The following KIF1A variants were observed in gnomAD, a reference collection of about 807,000 sequenced individuals.
The protein encoded by KIF1A is kinesin-like protein KIF1A.
KIF1A carries 46 observed loss-of-function variants against 227.3 expected under a neutral mutation model. That is an observed-to-expected ratio of 0.20 (90% CI 0.16 to 0.26). The LOEUF (loss-of-function observed/expected upper bound fraction) is 0.26, where lower values mean the gene tolerates loss of function less well. KIF1A is among the 10% of genes least tolerant of loss of function. KIF1A has a pLI of 1.00. For missense variants in KIF1A, 1,683 were observed against 2,485.9 expected (o/e 0.68, Z 6.87); for synonymous variants, 1,022 against 1,012.8 (o/e 1.01, Z -0.17).
At position 240,725,394 on chromosome 2, in the gene KIF1A, C is replaced by T. The variant is rs759928750; in HGVS notation, c.4133G>A (p.Cys1378Tyr). The T allele has an allele frequency of 1.9e-6, 3 of 1,612,352 alleles. No homozygotes were observed. The highest frequency in any genetic ancestry group is 2.5e-6 in the Non-Finnish European group (3 of 1,179,718). ...TLSAYIEMEN[C>Y]TQPAVVTKDF... ...CTTGGTGACAACAGCCGGCTGGGTG[C>T]AGTTCTCCATCTGAGATAGGCGGGA... The change falls in exon 40 of 49, where the codon TGC becomes TAC. Residue 1378 changes from cysteine (C) to tyrosine (Y), a missense_variant. Physicochemically the swap from Cys to Tyr is radical, Grantham distance 194. Around this residue, in one of 12 missense-constraint regions of KIF1A, gnomAD observed 759 missense variants for 1,020.2 expected, o/e 0.74. Transcript: ENST00000498729. This position sits in a 1 kb window ranked among gnomAD's most constrained non-coding sequence, Gnocchi z 5.8.
At chr2:240,803,690 G>A (rs1020765873) in intron 1 of KIF1A, among the ~76,000 whole-genome samples, 12 of 152,088 alleles carry the variant, frequency 7.9e-5, no homozygotes, top group Non-Finnish European at 1.2e-4. Flanking sequence ...AAACAGGCAC[G>A]AATTAGCAGA....
intron 16 of KIF1A, 24 bp from the exon 17 acceptor site, chr2:240,769,232 G>A (rs1159995197): frequency 6.3e-7 from 1 of 1,592,242 alleles, no homozygotes; most frequent in Non-Finnish European, 8.6e-7. Flanking sequence ...GCTGAGGTCA[G>A]CACAAGCTCC....
At position 240,719,778 on chromosome 2, in the gene KIF1A, C is replaced by T. The variant is rs774256831; in HGVS notation, c.5017G>A (p.Val1673Ile). 1.3e-5 allele frequency: 21 copies of T among 1,581,334 alleles called. No individual in the cohort carries two copies. Among genetic ancestry groups the T allele is most frequent in the Admixed American group, 1.7e-5 (1 of 57,234 alleles). Reference sequence around the variant, plus strand: ...TTCCAGGGAGGCCCCACACACCTGACTCGGATCTCCTGGATGTCAGGGACC... The same window carrying T: ...TTCCAGGGAGGCCCCACACACCTGATTCGGATCTCCTGGATGTCAGGGACC... The part of the protein sequence containing the change: ...LLVPDIQEIR[V>I]SPIVSKKGYL... The change falls in exon 46 of 49, where the codon GTC becomes ATC. Residue 1673 changes from valine to isoleucine, a missense_variant. Coordinates refer to ENST00000498729, the MANE Select transcript of KIF1A (RefSeq NM_001244008.2).
intron 10 of KIF1A, among the ~76,000 whole-genome samples, chr2:240,781,627 C>A (rs2054028628): frequency 6.6e-6 from 1 of 152,142 alleles, no homozygotes; most frequent in Non-Finnish European, 1.5e-5. Flanking sequence ...CGGTTATCAC[C>A]GCTCCTCACA....
chr2:240,800,105 GAC>G (rs3220094), intron 1 of KIF1A, among the ~76,000 whole-genome samples: 17,732 of 142,668 alleles, frequency 0.12, 1,177 homozygotes, highest in East Asian at 0.18. Context: ...GTCCAAAGCA[GAC>G]ACACACACAC....
intron 12 of KIF1A, 86 bp from the exon 13 acceptor site, chr2:240,773,342 C>T (rs2125969932): frequency 7.8e-6 from 12 of 1,543,280 alleles, no homozygotes; most frequent in African/African-American, 1.4e-5. Flanking sequence ...CTGCCCAAGA[C>T]CCAGCCTTTT....
In KIF1A at chr2:240,767,304, A is replaced by T. The variant is rs1575595912; in HGVS notation, c.1539T>A (p.Ser513=). Residue 513 remains serine (S), a synonymous_variant, in exon 18 of 49, where the codon TCT becomes TCA. Coordinates refer to ENST00000498729, the MANE Select transcript of KIF1A (RefSeq NM_001244008.2). The part of the protein sequence containing the change: ...LVNLNEDPLM[S]ECLLYYIKDG... ...CCTTGATGTAGTAGAGCAGGCACTCAGACATCAGCGGGTCCTCGTTCAGGT... is the reference window on the plus strand; with the variant it reads ...CCTTGATGTAGTAGAGCAGGCACTCTGACATCAGCGGGTCCTCGTTCAGGT... 6.2e-7 allele frequency: 1 copy of T among 1,613,764 alleles called. No individual in the cohort carries two copies. The highest frequency in any genetic ancestry group is 1.3e-5 in the African/African-American group (1 of 75,048).
rs565272286 is a variant in KIF1A, at chr2:240,715,340, G to C, written c.*2024C>G. On this transcript the variant is annotated 3_prime_UTR_variant, in exon 49 of 49. Transcript: ENST00000498729. ...ACCTGGGAGATTTCCAAAGAAAGCT[G>C]CTGTGTCCTGTGTCCTGCCTTCCCA... 2 of 152,438 alleles carry C rather than the reference G, an allele frequency of 1.3e-5. No homozygotes were observed. Among genetic ancestry groups the C allele is most frequent in the Admixed American group, 1.3e-4 (2 of 15,292 alleles). 9.4% of individuals were successfully genotyped at this position (152,438 alleles called of 1,614,324 possible).
At chr2:240,748,303 G>A (rs2048835403) in intron 28 of KIF1A, among the ~76,000 whole-genome samples, 1 of 152,180 alleles carries the variant, frequency 6.6e-6, no homozygotes, top group African/African-American at 2.4e-5. Context: ...CAGGACAAAG[G>A]TAGAGCTTTG....
At position 240,767,052 on chromosome 2, in the gene KIF1A, G is replaced by T. The variant is rs775735953; in HGVS notation, c.1578-31C>A. 3 of 1,539,700 alleles carry T rather than the reference G, an allele frequency of 1.9e-6. No homozygotes were observed. In the South Asian group the frequency reaches 3.5e-5, roughly 18 times the overall value. On this transcript the variant is annotated intron_variant, in intron 18 of 48. Coordinates refer to ENST00000498729, the MANE Select transcript of KIF1A (RefSeq NM_001244008.2). The stretch of plus-strand genomic sequence containing the variant: ...GGGTGGGGGCACCATCAGCACGGCA[G>T]CTGGGACCCAATACACCCAGGACGC...
chr2:240,772,600 T>A lies in KIF1A; in HGVS notation c.1181-4A>T. 1 of 1,535,618 alleles carries A rather than the reference T, an allele frequency of 6.5e-7. No individual in the cohort carries two copies. Among genetic ancestry groups the A allele is most frequent in the Non-Finnish European group, 8.8e-7 (1 of 1,134,980 alleles). The stretch of plus-strand genomic sequence containing the variant: ...GGTCCTCCAGGCACAGTGTTGGCTA[T>A]GGGGGAGGGAAGCGTGGGGGAGGGG... On this transcript the variant is annotated splice_polypyrimidine_tract_variant and splice_region_variant and intron_variant, in intron 13 of 48. Transcript: ENST00000498729.
At chr2:240,720,040 C>T (rs1408798196) in intron 45 of KIF1A, 114 bp from the exon 46 acceptor site, 2 of 1,048,236 alleles carry the variant, frequency 1.9e-6, no homozygotes, top group East Asian at 3.0e-5. Flanking sequence ...GGCACCTTCG[C>T]AGGGTCTCTC....
Position 240,737,157 on chromosome 2 carries a change from T to C in KIF1A, c.3913A>G (p.Asn1305Asp). ...VRELVVGRIR[N>D]TPETDESLID... The stretch of plus-strand genomic sequence containing the variant: ...AGGGACTCGTCGGTCTCTGGAGTGT[T>C]TCGGATGCGGCCTGCAGAAAAGGCA... The change falls in exon 38 of 49, where the codon AAC becomes GAC. Residue 1305 changes from asparagine to aspartate, a missense_variant. By Grantham distance (23) the Asn-to-Asp change is conservative. Transcript: ENST00000498729. 6.2e-7 allele frequency: 1 copy of C among 1,613,298 alleles called. No homozygotes were observed. Among genetic ancestry groups the C allele is most frequent in the Non-Finnish European group, 8.5e-7 (1 of 1,179,450 alleles).
Position 240,739,610 on chromosome 2 carries a change from G to A in KIF1A, c.3901+448C>T, listed in dbSNP as rs555766140. On this transcript the variant is annotated intron_variant, in intron 37 of 48. Transcript: ENST00000498729. This position sits in a 1 kb window ranked among gnomAD's most constrained non-coding sequence, Gnocchi z 5.6. ...AAGACACAGGACAGGAGAAGCCTGC[G>A]AAAATGCAGTGATGCGTCTGCAGGC... is the stretch of plus-strand genomic sequence containing the variant. Among the ~76,000 whole-genome samples the A allele has an allele frequency of 1.3e-3, 194 of 152,308 alleles. No homozygotes were observed. The highest frequency in any genetic ancestry group is 4.5e-3 in the African/African-American group (189 of 41,568).
intron 6 of KIF1A, among the ~76,000 whole-genome samples, chr2:240,786,124 A>G (rs1337365476): frequency 5.3e-5 from 8 of 152,210 alleles, no homozygotes; most frequent in Non-Finnish European, 1.2e-4. Context: ...GAGAAGCCCC[A>G]TGGAGGTGAC....
Position 240,775,999 on chromosome 2 carries a change from G to T in KIF1A, c.883-73C>A, listed in dbSNP as rs2052679657. The T allele has an allele frequency of 1.9e-6, 2 of 1,037,970 alleles. No individual in the cohort carries two copies. The highest frequency in any genetic ancestry group is 1.8e-5 in the Admixed American group (1 of 54,404). 64.3% of individuals were successfully genotyped at this position (1,037,970 alleles called of 1,614,324 possible). On this transcript the variant is annotated intron_variant, in intron 10 of 48. Coordinates refer to ENST00000498729, the MANE Select transcript of KIF1A (RefSeq NM_001244008.2). This position sits in a 1 kb window ranked among gnomAD's most constrained non-coding sequence, Gnocchi z 5.5. ...AAGCGAAAGGGAGGGGCCAGCGCAG[G>T]CCCTGCCAAGTGGGTCCTCAAAGCT...
chr2:240,786,744 G>A (rs58527718), intron 5 of KIF1A, among the ~76,000 whole-genome samples: 1,067 of 52,646 alleles, frequency 0.02, 63 homozygotes, highest in African/African-American at 0.076. Context: ...TGCCTGCTGG[G>A]CCCCTGAGTG....
At position 240,722,556 on chromosome 2, in the gene KIF1A, T is replaced by C; in HGVS notation, c.4565A>G (p.Glu1522Gly). ...ALSPAFSEDSESHGSSSASSP... is the reference protein window; with the variant it reads ...ALSPAFSEDSGSHGSSSASSP... ...GGAGGCGCTGGAGGAGCCATGGGAC[T>C]CAGAGTCCTCGCTGAAGGCCGGGGA... The change falls in exon 43 of 49, where the codon GAG becomes GGG. Residue 1522 changes from glutamate (E) to glycine (G), a missense_variant. Glu to Gly is a moderately conservative substitution (Grantham distance 98). This residue lies in a region of KIF1A where 384 missense variants were observed against 410.1 expected (regional missense o/e 0.94). Coordinates refer to ENST00000498729, the MANE Select transcript of KIF1A (RefSeq NM_001244008.2). The C allele has an allele frequency of 6.4e-7, 1 of 1,552,114 alleles. No homozygotes were observed.
At chr2:240,719,706 A>G in intron 46 of KIF1A, 68 bp downstream of exon 46, 1 of 1,433,324 alleles carries the variant, frequency 7.0e-7, no homozygotes, top group Non-Finnish European at 9.2e-7. Context: ...TATGGGGAGC[A>G]GGGTGGCCTG....
Sources: gnomAD v4.1 joint callset for allele counts (sites outside exome capture counted in the v4.1 genomes callset) on GRCh38, gnomAD v4.1.1 for gene constraint, gnomAD v4.1.1 regional missense constraint, Gnocchi (gnomAD v3.1) non-coding constraint, MANE v1.5 for transcripts, NCBI Gene and HGNC (gene_info 2026-07-23, HGNC 2026-07-21) for gene names.